PARP16: variants seen among roughly 807,000 people sequenced by gnomAD.
The protein encoded by PARP16 is poly(ADP-ribose) polymerase family member 16, also known as protein mono-ADP-ribosyltransferase PARP16.
Under a neutral mutation model 35.0 loss-of-function variants are expected in PARP16, and 31 were observed. The ratio of observed to expected loss-of-function variants is 0.88; its 90% CI spans 0.66 to 1.19. PARP16 has a LOEUF of 1.19. Among genes scored for constraint, PARP16 ranks in the 50% most tolerant of loss-of-function variants. The pLI, the probability that PARP16 is intolerant of heterozygous loss-of-function variation, is 0.00. For missense variants in PARP16, 424 were observed against 411.2 expected (o/e 1.03, Z -0.27); for synonymous variants, 162 against 169.5 (o/e 0.96, Z 0.34).
intron 3 of PARP16, among the ~76,000 whole-genome samples, chr15:65,236,456 T>C (rs1273494240): frequency 2.0e-5 from 3 of 152,298 alleles, no homozygotes; most frequent in South Asian, 2.1e-4. Flanking sequence ...TGGAACACCA[T>C]TGGATGCTAA....
chr15:65,232,776 C>A (rs1231236092), downstream of PARP16, among the ~76,000 whole-genome samples: 1 of 152,014 alleles, frequency 6.6e-6, no homozygotes, highest in Non-Finnish European at 1.5e-5. Context: ...AAAAAATGGG[C>A]TGGGTGCAGT....
chr15:65,239,263 C>A (rs2088972167), intron 3 of PARP16, among the ~76,000 whole-genome samples: 1 of 149,640 alleles, frequency 6.7e-6, no homozygotes, highest in African/African-American at 2.5e-5. Flanking sequence ...GCGGTCTCTA[C>A]TAAAAATACA....
intron 3 of PARP16, among the ~76,000 whole-genome samples, chr15:65,263,757 A>T (rs2089811213): frequency 6.6e-6 from 1 of 152,220 alleles, no homozygotes; most frequent in Non-Finnish European, 1.5e-5. Flanking sequence ...ATACATACAT[A>T]AAAGAGTGGG....
downstream of PARP16, among the ~76,000 whole-genome samples, chr15:65,231,842 C>T (rs1454591314): frequency 1.3e-5 from 2 of 151,944 alleles, no homozygotes; most frequent in African/African-American, 4.8e-5. Context: ...TTCCATATTC[C>T]TTCTTGTCTC....
At position 65,286,509 on chromosome 15, in the gene PARP16, C is replaced by A; in HGVS notation, c.-83G>T. ...GCGTTCAGCGCGGGGGCTGGGCCCG[C>A]GGACAATGGGCCGTCAGGGGCCGGG... On this transcript the variant is annotated 5_prime_UTR_variant, in exon 1 of 6. Coordinates refer to ENST00000649807, the MANE Select transcript of PARP16 (RefSeq NM_001316943.2). 1 of 1,107,460 alleles carries A rather than the reference C, an allele frequency of 9.0e-7. No individual in the cohort carries two copies. The highest frequency in any genetic ancestry group is 1.8e-5 in the South Asian group (1 of 54,710). 68.6% of individuals were successfully genotyped at this position (1,107,460 alleles called of 1,614,324 possible).
At chr15:65,278,561 G>A (rs1451089316) in intron 1 of PARP16, among the ~76,000 whole-genome samples, 1 of 152,108 alleles carries the variant, frequency 6.6e-6, no homozygotes, top group African/African-American at 2.4e-5. Flanking sequence ...GGAAAGAGAG[G>A]ACCAATGAGC....
downstream of PARP16, among the ~76,000 whole-genome samples, chr15:65,231,012 C>T (rs1227992034): frequency 2.0e-5 from 3 of 151,618 alleles, no homozygotes; most frequent in Non-Finnish European, 4.4e-5. Context: ...CCTCAGCCTC[C>T]GGAGTAACTG....
At chr15:65,257,473 A>G (rs1186622643), downstream of PARP16, among the ~76,000 whole-genome samples, 3 of 151,352 alleles carry the variant, frequency 2.0e-5, no homozygotes, top group Non-Finnish European at 4.4e-5. Context: ...AAAAATAAAA[A>G]TACAAAAATG....
chr15:65,260,946 T>G lies in PARP16; in HGVS notation c.772A>C (p.Thr258Pro). The G allele has an allele frequency of 6.2e-7, 1 of 1,614,036 alleles. No individual in the cohort carries two copies. The highest frequency in any genetic ancestry group is 8.5e-7 in the Non-Finnish European group (1 of 1,179,920). The change falls in exon 5 of 6, where the codon ACC (threonine) becomes CCC (proline). Residue 258 changes from threonine to proline, a missense_variant. Coordinates refer to ENST00000649807, the MANE Select transcript of PARP16 (RefSeq NM_001316943.2). ...TTCACTCGCAGCAGCTGGTTATTGG[T>G]GACCACGAAGTACTTGGGAGGGATG... ...GDIPPKYFVV[T>P]NNQLLRVKYL...
chr15:65,260,474 T>A (rs1450816322), intron 5 of PARP16, among the ~76,000 whole-genome samples: 2 of 152,170 alleles, frequency 1.3e-5, no homozygotes, highest in East Asian at 3.8e-4. Flanking sequence ...CAGTCAGTGG[T>A]TCAGCAGCCA....
At chr15:65,262,991 G>T (rs189641009) in intron 4 of PARP16, among the ~76,000 whole-genome samples, 158 bp downstream of exon 4, 78 of 152,218 alleles carry the variant, frequency 5.1e-4, no homozygotes, top group Non-Finnish European at 8.5e-4. Flanking sequence ...TCTCTAAGAA[G>T]ACTGCTCGCT....
At position 65,266,681 on chromosome 15, in the gene PARP16, C is replaced by G. The variant is rs770208265; in HGVS notation, c.400G>C (p.Ala134Pro). ...FLFEIEYFDP[A>P]NAKFYETKGE... ...TTGGTCTCATAAAATTTGGCGTTGG[C>G]TGGGTCAAAGTACTCAATTTCAAAC... is the stretch of plus-strand genomic sequence containing the variant. The change falls in exon 3 of 6, where the codon GCC becomes CCC. Residue 134 changes from alanine to proline, a missense_variant. Coordinates refer to ENST00000649807, the MANE Select transcript of PARP16 (RefSeq NM_001316943.2). The G allele has an allele frequency of 2.5e-5, 41 of 1,614,148 alleles. No individual in the cohort carries two copies. Among genetic ancestry groups the G allele is most frequent in the Non-Finnish European group, 3.5e-5 (41 of 1,179,986 alleles).
chr15:65,256,147 C>T (rs2140805832), downstream of PARP16, among the ~76,000 whole-genome samples: 1 of 152,294 alleles, frequency 6.6e-6, no homozygotes, highest in East Asian at 1.9e-4. Context: ...CAGTCGCCTC[C>T]TATTTCTCTG....
chr15:65,269,300 G>A (rs1595701349), intron 2 of PARP16, among the ~76,000 whole-genome samples: 1 of 151,972 alleles, frequency 6.6e-6, no homozygotes. Flanking sequence ...GGCTTCAAGC[G>A]ATTCTCCTGC....
chr15:65,247,163 T>A (rs529275453), intron 3 of PARP16, among the ~76,000 whole-genome samples: 3 of 152,094 alleles, frequency 2.0e-5, no homozygotes, highest in Non-Finnish European at 2.9e-5. Context: ...GCTAATTTTT[T>A]AAAAATTTGT....
At chr15:65,239,715 G>T (rs1260018423) in intron 3 of PARP16, among the ~76,000 whole-genome samples, 1 of 148,148 alleles carries the variant, frequency 6.8e-6, no homozygotes, top group Non-Finnish European at 1.5e-5. Flanking sequence ...GGAGTGTAGT[G>T]GCGCGATCTC....
chr15:65,266,920 C>A (rs925732123), intron 2 of PARP16, 152 bp from the exon 3 acceptor site: 3 of 636,636 alleles, frequency 4.7e-6, no homozygotes, highest in East Asian at 5.5e-5. Context: ...AAACTCAGAG[C>A]GTATAGCACA....
At chr15:65,238,998 G>C (rs918174001) in intron 3 of PARP16, among the ~76,000 whole-genome samples, 2 of 152,126 alleles carry the variant, frequency 1.3e-5, no homozygotes, top group African/African-American at 4.8e-5. Flanking sequence ...AGGTATGATG[G>C]CATGTGCCTG....
At chr15:65,274,579 A>C (rs1314459658) in intron 1 of PARP16, among the ~76,000 whole-genome samples, 1 of 30,896 alleles carries the variant, frequency 3.2e-5, no homozygotes, top group Non-Finnish European at 2.0e-4. Context: ...GTCTCGAATA[A>C]AAAAAAAAAA....
Sources: gnomAD v4.1 joint callset for allele counts (sites outside exome capture counted in the v4.1 genomes callset) on GRCh38, gnomAD v4.1.1 for gene constraint, MANE v1.5 for transcripts, NCBI Gene and HGNC (gene_info 2026-07-23, HGNC 2026-07-21) for gene names.